AFF2: variants seen among roughly 807,000 people sequenced by gnomAD.
AFF2 encodes ALF transcription elongation factor 2, also known as AF4/FMR2 family member 2.
AFF2 carries 14 observed loss-of-function variants against 76.9 expected under a neutral mutation model. That is an observed-to-expected ratio of 0.18 (90% CI 0.12 to 0.28). AFF2 has a LOEUF of 0.28. AFF2 is among the 10% of genes least tolerant of loss of function. The pLI is 1.00. For missense variants in AFF2, 868 were observed against 1,001.1 expected, an observed-to-expected ratio of 0.87 and a Z score of 1.79; for synonymous variants, 398 against 366.7, an observed-to-expected ratio of 1.09 and a Z score of -0.98.
At chrX:148,664,318 T>G (rs1368887996) in intron 3 of AFF2, among the ~76,000 whole-genome samples, 1 of 112,391 alleles carries the variant, frequency 8.9e-6, no homozygotes, top group Non-Finnish European at 1.9e-5. Context: ...CATGTGCAGT[T>G]GAAATCCCAG....
intron 7 of AFF2, among the ~76,000 whole-genome samples, chrX:148,883,872 T>C (rs989861260): frequency 2.7e-5 from 3 of 111,106 alleles, no homozygotes; most frequent in Non-Finnish European, 3.8e-5. Flanking sequence ...CTTAGGACTT[T>C]CTCTGTCTCT....
intron 1 of AFF2, among the ~76,000 whole-genome samples, chrX:148,619,463 A>C (rs7064371): frequency 0.49 from 53,936 of 110,916 alleles, 9,735 homozygotes; most frequent in Middle Eastern, 0.53. Flanking sequence ...GCTCCAATGT[A>C]ATTGATGAAC....
At chrX:148,715,983 G>T (rs1557263330) in intron 3 of AFF2, among the ~76,000 whole-genome samples, 1 of 111,434 alleles carries the variant, frequency 9.0e-6, no homozygotes, top group Non-Finnish European at 1.9e-5. Context: ...TGAATTTGAT[G>T]CCTTCAAAGC....
At chrX:148,870,065 C>T (rs1353045582) in intron 7 of AFF2, among the ~76,000 whole-genome samples, 1 of 111,264 alleles carries the variant, frequency 9.0e-6, no homozygotes, top group Non-Finnish European at 1.9e-5. Flanking sequence ...TCCTGAATTT[C>T]CCTTTTCTGA....
chrX:148,632,833 AG>A (rs2053993324), intron 1 of AFF2, among the ~76,000 whole-genome samples: 1 of 112,020 alleles, frequency 8.9e-6, no homozygotes, highest in Non-Finnish European at 1.9e-5. Flanking sequence ...GAGGAAGCTG[AG>A]GCCCAATAGG....
In AFF2 at chrX:148,776,705, GT is replaced by G. The variant is rs782769896; in HGVS notation, c.1042-33162del. On this transcript the variant is annotated intron_variant, in intron 3 of 20. Transcript: ENST00000370460. The stretch of plus-strand genomic sequence containing the variant: ...ACTTCGCCCACTTTTTGATGGGGTT[GT>G]TTTTTTTTCTCAAAACTTGTTTAAG... Among the ~76,000 whole-genome samples, 743 of 109,544 alleles carry G rather than the reference GT, an allele frequency of 6.8e-3. 7 individuals are homozygous for G. Among genetic ancestry groups the G allele is most frequent in the African/African-American group, 0.023 (699 of 30,162 alleles).
chrX:148,809,965 T>G (rs192560894), intron 4 of AFF2, 45 bp downstream of exon 4: 2 of 1,117,977 alleles, frequency 1.8e-6, no homozygotes, highest in Non-Finnish European at 2.5e-6. Flanking sequence ...AATGAAGCAA[T>G]CTATCTGCTT....
chrX:148,952,900 A>C (rs1481103147), intron 9 of AFF2, among the ~76,000 whole-genome samples: 2 of 111,328 alleles, frequency 1.8e-5, no homozygotes, highest in East Asian at 5.7e-4. Context: ...CAACAGACAG[A>C]AATTGAGGAC....
chrX:148,959,610 G>T (rs1210009678), intron 12 of AFF2, among the ~76,000 whole-genome samples: 1 of 112,285 alleles, frequency 8.9e-6, no homozygotes, highest in Non-Finnish European at 1.9e-5. Flanking sequence ...GTCCTGGGCT[G>T]CCCCCTGCCC....
intron 3 of AFF2, among the ~76,000 whole-genome samples, chrX:148,803,262 G>A (rs2070084590): frequency 2.7e-5 from 3 of 111,657 alleles, no homozygotes; most frequent in Admixed American, 1.9e-4. Flanking sequence ...TCAGAGTCAC[G>A]GAGGCTGGCA....
At chrX:148,614,739 T>TTCC (rs1255921844) in intron 1 of AFF2, among the ~76,000 whole-genome samples, 632 of 23,219 alleles carry the variant, frequency 0.027, 2 homozygotes, top group East Asian at 0.041. Flanking sequence ...CTTTCCTTCT[T>TTCC]TTCTTTCTTT....
chrX:148,600,210 T>C (rs1038276093), intron 1 of AFF2, among the ~76,000 whole-genome samples: 5 of 112,003 alleles, frequency 4.5e-5, no homozygotes, highest in African/African-American at 1.6e-4. Flanking sequence ...GTGTGGAATT[T>C]AGCAACACAA....
intron 3 of AFF2, among the ~76,000 whole-genome samples, chrX:148,704,537 T>A (rs1351619864): frequency 1.3e-5 from 1 of 75,408 alleles, no homozygotes; most frequent in Non-Finnish European, 2.7e-5. Context: ...TATATAAAAA[T>A]TTTTTTTGAG....
intron 1 of AFF2, among the ~76,000 whole-genome samples, chrX:148,615,490 C>A (rs189052847): frequency 1.8e-5 from 2 of 111,722 alleles, no homozygotes; most frequent in Admixed American, 1.9e-4. Context: ...TGAATAGTTT[C>A]TGATTTTCCC....
At chrX:148,618,909 A>T (rs1422188878) in intron 1 of AFF2, among the ~76,000 whole-genome samples, 2 of 110,680 alleles carry the variant, frequency 1.8e-5, no homozygotes, top group African/African-American at 6.6e-5. Context: ...ATGACCCTAG[A>T]CCCCACTGCC....
chrX:148,884,068 C>A (rs1246325331), intron 7 of AFF2, among the ~76,000 whole-genome samples: 4 of 111,569 alleles, frequency 3.6e-5, no homozygotes, highest in Non-Finnish European at 7.5e-5. Context: ...AGTTCTATAG[C>A]TTATGAGAAT....
At chrX:148,878,579 T>C (rs2071061353) in intron 7 of AFF2, among the ~76,000 whole-genome samples, 1 of 112,124 alleles carries the variant, frequency 8.9e-6, no homozygotes, top group Non-Finnish European at 1.9e-5. Flanking sequence ...TCACCCAGTA[T>C]GACTCAAAGG....
chrX:148,528,597 G>A (rs2052691857), intron 1 of AFF2, among the ~76,000 whole-genome samples: 1 of 111,580 alleles, frequency 9.0e-6, no homozygotes, highest in Admixed American at 9.5e-5. Context: ...GCTCAGGAAA[G>A]CTTCTGGAAC....
intron 3 of AFF2, among the ~76,000 whole-genome samples, chrX:148,704,097 A>G (rs1353039745): frequency 5.9e-5 from 6 of 102,139 alleles, no homozygotes; most frequent in African/African-American, 1.8e-4. Context: ...ATAATTATAT[A>G]TATATTATAT....
Sources: allele counts gnomAD v4.1 joint callset (sites outside exome capture counted in the v4.1 genomes callset), GRCh38; gene constraint gnomAD v4.1.1; transcripts MANE v1.5; gene names NCBI Gene and HGNC (gene_info 2026-07-23, HGNC 2026-07-21).